Variants in SGSM3 observed in about 807,000 individuals in gnomAD.
SGSM3 encodes the protein small G protein signaling modulator 3, also known as RUN and SH3 containing 3.
Under a neutral mutation model 100.5 loss-of-function variants are expected in SGSM3, and 96 were observed. The ratio of observed to expected loss-of-function variants is 0.96; its 90% CI spans 0.81 to 1.13. SGSM3 has a LOEUF of 1.13. Ranked by LOEUF, SGSM3 falls within the 50% of genes most tolerant of loss-of-function variation. SGSM3 has a pLI of 0.00. For missense variants in SGSM3, 1,001 were observed against 1,015.8 expected, an observed-to-expected ratio of 0.99 and a Z score of 0.20; for synonymous variants, 483 against 422.8, an observed-to-expected ratio of 1.14 and a Z score of -1.75.
In SGSM3 at chr22:40,408,160, C is replaced by G. The variant is rs55950918; in HGVS notation, c.1629+40C>G. 12,606 of 1,610,028 alleles carry G rather than the reference C, an allele frequency of 7.8e-3. 78 individuals are homozygous for G. The highest frequency in any genetic ancestry group is 8.7e-3 in the Non-Finnish European group (10,270 of 1,177,510). On this transcript the variant is annotated intron_variant, in intron 15 of 21. Coordinates refer to ENST00000248929, the MANE Select transcript of SGSM3 (RefSeq NM_015705.6). The stretch of plus-strand genomic sequence containing the variant: ...CGGGCTAGGCACGGCTGGCACCCTT[C>G]TAGCCAGGGCCTGCGTGCCTAGCGA...
rs1050821866 is a variant in SGSM3 at position 40,409,996 on chromosome 22, G to A, written c.*237G>A. 7.5e-7 allele frequency: 1 copy of A among 1,336,184 alleles called. No homozygotes were observed. The highest frequency in any genetic ancestry group is 9.5e-7 in the Non-Finnish European group (1 of 1,049,836). 82.8% of individuals were successfully genotyped at this position (1,336,184 alleles called of 1,614,324 possible). On this transcript the variant is annotated 3_prime_UTR_variant, in exon 22 of 22. Coordinates refer to ENST00000248929, the MANE Select transcript of SGSM3 (RefSeq NM_015705.6). ...AACCACAGTTTGTACCAAAAACCTT[G>A]TGAGGAGGTGGGGGAGCCATGTCTG...
intron 5 of SGSM3, 50 bp downstream of exon 5, chr22:40,404,505 T>G (rs754908487): frequency 2.5e-6 from 4 of 1,610,356 alleles, no homozygotes; most frequent in East Asian, 2.2e-5. Context: ...CCTGGCCCCA[T>G]GATCAGGTGT....
Position 40,406,457 on chromosome 22 carries a change from C to T in SGSM3, c.980C>T (p.Ser327Leu). 6.3e-7 allele frequency: 1 copy of T among 1,591,078 alleles called. No homozygotes were observed. Among genetic ancestry groups the T allele is most frequent in the Non-Finnish European group, 8.6e-7 (1 of 1,166,274 alleles). ...GCCCAGGAGGAAGAGCTGATCCAGT[C>T]AGAGAACTCGGCCTCCATCTTCAAC... ...LHLKEEELIQ[S>L]ENSASIFNTL... The change falls in exon 10 of 22, where the codon TCA becomes TTA. Residue 327 changes from serine (S) to leucine (L), a missense_variant. Physicochemically the swap from Ser to Leu is moderately radical, Grantham distance 145 (BLOSUM62 -2). Coordinates refer to ENST00000248929, the MANE Select transcript of SGSM3 (RefSeq NM_015705.6).
chr22:40,394,645 C>CAAA (rs34700924), intron 1 of SGSM3, among the ~76,000 whole-genome samples: 35 of 84,090 alleles, frequency 4.2e-4, no homozygotes, highest in African/African-American at 1.3e-3. Flanking sequence ...ACTCCTGTCT[C>CAAA]AAAAAAAAAA....
Position 40,400,734 on chromosome 22 carries a change from T to C in SGSM3, c.-73T>C. 6.6e-7 allele frequency: 1 copy of C among 1,505,088 alleles called. No individual in the cohort carries two copies. Among genetic ancestry groups the C allele is most frequent in the Non-Finnish European group, 9.0e-7 (1 of 1,105,026 alleles). The allele number at this position is 1,505,088 out of a possible 1,614,324, so 93.2% of individuals were successfully genotyped here. A position where few individuals can be genotyped will look rare whatever the true frequency, so the allele number is the denominator to read the frequency against. ...GGACCAGATGAAGCCTGAGGAGCCT[T>C]CCAGCTCTAAGATAGCAGGATAGGA... On this transcript the variant is annotated 5_prime_UTR_variant, in exon 2 of 22. Coordinates refer to ENST00000248929, the MANE Select transcript of SGSM3 (RefSeq NM_015705.6).
intron 20 of SGSM3, 46 bp from the exon 21 acceptor site, chr22:40,409,419 C>T (rs1302017491): frequency 6.4e-7 from 1 of 1,570,264 alleles, no homozygotes; most frequent in African/African-American, 1.4e-5. Context: ...GTGGGAAGGG[C>T]TAGCTGGGGG....
chr22:40,406,311 C>T (rs2051505355), intron 9 of SGSM3, 88 bp downstream of exon 9: 2 of 1,561,438 alleles, frequency 1.3e-6, no homozygotes, highest in Non-Finnish European at 1.7e-6. Flanking sequence ...CAGGCAAGAC[C>T]AGCCCCCTGG....
chr22:40,393,134 T>A (rs1313452066), intron 1 of SGSM3, among the ~76,000 whole-genome samples: 1 of 152,240 alleles, frequency 6.6e-6, no homozygotes, highest in Non-Finnish European at 1.5e-5. Context: ...TTTTTCTTTT[T>A]TGAGACAGAG....
chr22:40,390,618 C>T (rs1694009008), intron 1 of SGSM3, among the ~76,000 whole-genome samples: 1 of 152,136 alleles, frequency 6.6e-6, no homozygotes, highest in Non-Finnish European at 1.5e-5. Flanking sequence ...GGATTTAATT[C>T]AGTTCTGTTT....
chr22:40,391,565 C>G (rs939354169), intron 1 of SGSM3, among the ~76,000 whole-genome samples: 2 of 152,178 alleles, frequency 1.3e-5, no homozygotes, highest in Non-Finnish European at 2.9e-5. Flanking sequence ...GAGCTCTGAT[C>G]ATTCCTCTGC....
chr22:40,381,095 A>G (rs1429527395), intron 1 of SGSM3, among the ~76,000 whole-genome samples: 3 of 152,098 alleles, frequency 2.0e-5, no homozygotes, highest in Admixed American at 6.6e-5. Context: ...TTATAGAAAC[A>G]TTTTACTAGT....
At position 40,402,190 on chromosome 22, in the gene SGSM3, C is replaced by T. The variant is rs372036333; in HGVS notation, c.142C>T (p.Arg48Cys). 7.7e-5 allele frequency: 124 copies of T among 1,613,638 alleles called. 1 individual carries two copies. Among genetic ancestry groups the T allele is most frequent in the Middle Eastern group, 4.9e-4 (3 of 6,062 alleles). The change falls in exon 4 of 22, where the codon CGT becomes TGT. Residue 48 changes from arginine (R) to cysteine (C), a missense_variant. Arg to Cys is a radical substitution (Grantham distance 180). Transcript: ENST00000248929. Reference protein sequence around the residue: ...PEFYYDEFGFRVYKEEGDEPG... With the variant: ...PEFYYDEFGFCVYKEEGDEPG... ...GTTCTACTACGATGAGTTTGGTTTC[C>T]GTGTGTACAAGGAAGGTAAACTTGA...
At position 40,406,492 on chromosome 22, in the gene SGSM3, G is replaced by C. The variant is rs763196832; in HGVS notation, c.1015G>C (p.Asp339His). 4 of 1,610,860 alleles carry C rather than the reference G, an allele frequency of 2.5e-6. No homozygotes were observed. In the East Asian group the frequency reaches 8.9e-5, roughly 36 times the overall value. Reference sequence around the variant, plus strand: ...GGCCTCCATCTTCAACACGCTATCGGATATCCCGTCGCAGATGGAGGACGC... The same window carrying C: ...GGCCTCCATCTTCAACACGCTATCGCATATCCCGTCGCAGATGGAGGACGC... The part of the protein sequence containing the change: ...NSASIFNTLS[D>H]IPSQMEDAEL... Residue 339 changes from aspartate to histidine, a missense_variant, in exon 10 of 22, where the codon GAT (aspartate) becomes CAT (histidine). Transcript: ENST00000248929.
Position 40,410,027 on chromosome 22 carries a change from A to AGGAAGAGGGAAGGGG in SGSM3, c.*269_*283dup. 1.5e-6 allele frequency: 2 copies of AGGAAGAGGGAAGGGG among 1,320,000 alleles called. No individual in the cohort carries two copies. Among genetic ancestry groups the AGGAAGAGGGAAGGGG allele is most frequent in the Non-Finnish European group, 1.9e-6 (2 of 1,039,520 alleles). 81.8% of individuals were successfully genotyped at this position (1,320,000 alleles called of 1,614,324 possible). ...AGGTGGGGGAGCCATGTCTGTGCTC[A>AGGAAGAGGGAAGGGG]GGAAGAGGGAAGGGGATGGGGGTGG... On this transcript the variant is annotated 3_prime_UTR_variant, in exon 22 of 22. Coordinates refer to ENST00000248929, the MANE Select transcript of SGSM3 (RefSeq NM_015705.6).
At position 40,406,503 on chromosome 22, in the gene SGSM3, G is replaced by A. The variant is rs756842640; in HGVS notation, c.1026G>A (p.Ser342=). 1.6e-5 allele frequency: 25 copies of A among 1,611,882 alleles called. No homozygotes were observed. Among genetic ancestry groups the A allele is most frequent in the South Asian group, 6.6e-5 (6 of 90,970 alleles). The change falls in exon 10 of 22, where the codon TCG becomes TCA. Residue 342 remains serine (S), a synonymous_variant. Transcript: ENST00000248929. ...SIFNTLSDIP[S]QMEDAELLLG... ...TCAACACGCTATCGGATATCCCGTC[G>A]CAGATGGAGGACGCGGAGCTGCTTC... is the stretch of plus-strand genomic sequence containing the variant.
At position 40,407,821 on chromosome 22, in the gene SGSM3, G is replaced by A. The variant is rs375146236; in HGVS notation, c.1557G>A (p.Val519=). The change falls in exon 14 of 22, where the codon GTG becomes GTA. Residue 519 remains valine (V), a synonymous_variant. Transcript: ENST00000248929. The surrounding 1 kb of genome is among the most constrained non-coding windows in gnomAD (Gnocchi z 4.7). ...CTCAGAAGGACGAGCACTGCTGGGT[G>A]GGGGAGCTCAACGGCCTGCGAGGTG... ...IVSQKDEHCW[V]GELNGLRGWF... The A allele has an allele frequency of 1.2e-6, 2 of 1,613,450 alleles. No homozygotes were observed. The highest frequency in any genetic ancestry group is 1.7e-4 in the Middle Eastern group (1 of 6,056).
intron 1 of SGSM3, among the ~76,000 whole-genome samples, chr22:40,391,566 A>T (rs1372726050): frequency 6.6e-6 from 1 of 152,198 alleles, no homozygotes; most frequent in African/African-American, 2.4e-5. Context: ...AGCTCTGATC[A>T]TTCCTCTGCA....
Position 40,409,312 on chromosome 22 carries a change from G to A in SGSM3, c.2051G>A (p.Trp684Ter), listed in dbSNP as rs1272525916. Reference protein sequence around the residue: ...LCSSLPTVEKWYQPWSFLRSP... With the variant: ...LCSSLPTVEK ...TCCAGCCTGCCCACCGTGGAGAAGT[G>A]GTACCAGCCCTGGTCCTTCCTGCGC... The change falls in exon 20 of 22, where the codon TGG becomes TAG. Residue 684 changes from tryptophan (W) to a stop codon, truncating the protein, a stop_gained. Coordinates refer to ENST00000248929, the MANE Select transcript of SGSM3 (RefSeq NM_015705.6). LOFTEE classifies it high-confidence loss of function. 1.2e-6 allele frequency: 2 copies of A among 1,613,136 alleles called. No homozygotes were observed. Among genetic ancestry groups the A allele is most frequent in the African/African-American group, 2.7e-5 (2 of 74,922 alleles).
At position 40,380,390 on chromosome 22, in the gene SGSM3, A is replaced by G. The variant is rs1235342849; in HGVS notation, c.-112+9702A>G. Among the ~76,000 whole-genome samples the G allele has an allele frequency of 9.0e-5, 13 of 144,006 alleles. No individual in the cohort carries two copies. In the East Asian group the frequency reaches 1.6e-3, roughly 18 times the overall value. The allele number at this position is 144,006 out of a possible 152,430, so 94.5% of individuals were successfully genotyped here. ...TTTTTTTTTTTTTTTTTCCTGAGACAGGGTCTCACTCTGTCACCCAGGCTG... is the reference window on the plus strand; with the variant it reads ...TTTTTTTTTTTTTTTTTCCTGAGACGGGGTCTCACTCTGTCACCCAGGCTG... On this transcript the variant is annotated intron_variant, in intron 1 of 21. Coordinates refer to ENST00000248929, the MANE Select transcript of SGSM3 (RefSeq NM_015705.6).
Sources: allele counts gnomAD v4.1 joint callset (sites outside exome capture counted in the v4.1 genomes callset), GRCh38; gene constraint gnomAD v4.1.1; non-coding constraint Gnocchi (gnomAD v3.1); transcripts MANE v1.5; gene names NCBI Gene and HGNC (gene_info 2026-07-23, HGNC 2026-07-21).